Variants in NAALADL2 observed in about 807,000 individuals in gnomAD.
NAALADL2 encodes the protein inactive N-acetylated-alpha-linked acidic dipeptidase-like protein 2.
In NAALADL2, 76 loss-of-function variants were observed where a neutral mutation model predicts 87.2. That is an observed-to-expected ratio of 0.87 (90% CI 0.72 to 1.05). NAALADL2 has a LOEUF of 1.05. NAALADL2 is among the 50% of genes least tolerant of loss of function. The pLI, the probability that NAALADL2 is intolerant of heterozygous loss-of-function variation, is 0.00. For missense variants in NAALADL2, 1,089 were observed against 945.8 expected, an observed-to-expected ratio of 1.15 and a Z score of -1.99; for synonymous variants, 354 against 331.0, an observed-to-expected ratio of 1.07 and a Z score of -0.75.
chr3:174,787,864 T>C (rs1416814008), intron 3 of NAALADL2, among the ~76,000 whole-genome samples: 4 of 151,588 alleles, frequency 2.6e-5, no homozygotes, highest in Non-Finnish European at 4.4e-5. Context: ...AGAAGTAGAT[T>C]CAGTTGGTTA....
chr3:174,486,543 C>T lies in NAALADL2; in HGVS notation c.-184+45511C>T, dbSNP rs373943461. On this transcript the variant is annotated intron_variant, in intron 1 of 3. Coordinates refer to the NAALADL2 transcript ENST00000434257. The stretch of plus-strand genomic sequence containing the variant: ...TGTGAATTTCCACTCTGGTAAATTG[C>T]GGTTTTCCATATGTACCTGTCTTTC... 1.6e-4 allele frequency among the ~76,000 whole-genome samples: 24 copies of T among 152,018 alleles called. No homozygotes were observed. The South Asian group carries it at 2.7e-3, about 17-fold the overall frequency.
chr3:175,748,195 C>T (rs754116474), intron 12 of NAALADL2, among the ~76,000 whole-genome samples: 3 of 152,016 alleles, frequency 2.0e-5, no homozygotes, highest in Admixed American at 6.6e-5. Flanking sequence ...GTATCAATAG[C>T]GCAATCGCTC....
intron 11 of NAALADL2, chr3:175,675,785 T>A (rs1215831305): frequency 6.6e-6 from 1 of 152,208 alleles, no homozygotes; most frequent in Non-Finnish European, 1.5e-5. Context: ...ATTTTGCTGA[T>A]AAGCTCATGA....
intron 2 of NAALADL2, among the ~76,000 whole-genome samples, chr3:174,670,041 T>C (rs1351907926): frequency 6.6e-6 from 1 of 152,092 alleles, no homozygotes; most frequent in Non-Finnish European, 1.5e-5. Flanking sequence ...TTTCTGATTT[T>C]TCATTGTCAG....
intron 1 of NAALADL2, among the ~76,000 whole-genome samples, chr3:174,892,225 A>G (rs559478149): frequency 3.3e-5 from 5 of 152,318 alleles, no homozygotes; most frequent in African/African-American, 1.2e-4. Flanking sequence ...AATCTACTAA[A>G]TAAGGCACCA....
At chr3:175,792,381 A>G (rs1752904024) in intron 13 of NAALADL2, among the ~76,000 whole-genome samples, 1 of 152,200 alleles carries the variant, frequency 6.6e-6, no homozygotes, top group East Asian at 1.9e-4. Context: ...TGTGATCAAC[A>G]TTCATAGATT....
intron 10 of NAALADL2, among the ~76,000 whole-genome samples, chr3:175,608,925 G>A (rs1268896934): frequency 6.7e-6 from 1 of 150,220 alleles, no homozygotes; most frequent in Non-Finnish European, 1.5e-5. Flanking sequence ...ATGCTGATGT[G>A]TACCACTATT....
At chr3:174,872,306 G>A (rs113013970) in intron 1 of NAALADL2, among the ~76,000 whole-genome samples, 9,290 of 152,066 alleles carry the variant, frequency 0.061, 955 homozygotes, top group African/African-American at 0.21. Context: ...CATGAAAATG[G>A]CCCTTCATTT....
At chr3:174,937,057 TAAAAC>T (rs1230193156) in intron 1 of NAALADL2, among the ~76,000 whole-genome samples, 1 of 152,078 alleles carries the variant, frequency 6.6e-6, no homozygotes, top group African/African-American at 2.4e-5. Flanking sequence ...ATTTTTAAAA[TAAAAC>T]ATATAAACTA....
intron 10 of NAALADL2, among the ~76,000 whole-genome samples, chr3:175,598,646 T>C (rs1228825474): frequency 6.6e-6 from 1 of 152,108 alleles, no homozygotes; most frequent in Non-Finnish European, 1.5e-5. Context: ...CGCTATCTCA[T>C]AGGTCTTCAA....
At chr3:175,722,152 A>G (rs1468185565) in intron 11 of NAALADL2, among the ~76,000 whole-genome samples, 1 of 152,102 alleles carries the variant, frequency 6.6e-6, no homozygotes, top group Non-Finnish European at 1.5e-5. Context: ...TTGGCAAATC[A>G]AATCATTTCA....
chr3:174,445,410 A>C (rs922213455), intron 1 of NAALADL2, among the ~76,000 whole-genome samples: 3 of 152,100 alleles, frequency 2.0e-5, no homozygotes, highest in African/African-American at 7.2e-5. Flanking sequence ...TTATGTCCCC[A>C]GGTAGTTTTG....
chr3:175,083,208 C>T (rs535344951), intron 1 of NAALADL2, among the ~76,000 whole-genome samples: 27 of 152,284 alleles, frequency 1.8e-4, no homozygotes, highest in African/African-American at 6.0e-4. Context: ...GTCCCCTGTT[C>T]CCCCGGAAAC....
chr3:174,754,397 G>A (rs1175794022), intron 3 of NAALADL2, among the ~76,000 whole-genome samples: 2 of 150,256 alleles, frequency 1.3e-5, no homozygotes, highest in African/African-American at 4.9e-5. Flanking sequence ...ATTATTTTTT[G>A]TGAATGAAGA....
chr3:174,914,001 TTATG>T (rs971001991), intron 1 of NAALADL2, among the ~76,000 whole-genome samples: 1 of 151,878 alleles, frequency 6.6e-6, no homozygotes, highest in African/African-American at 2.4e-5. Context: ...AAGCAGGAGA[TTATG>T]TATTTCATTT....
chr3:174,869,927 C>T (rs1272041195), intron 1 of NAALADL2, among the ~76,000 whole-genome samples: 2 of 138,592 alleles, frequency 1.4e-5, no homozygotes, highest in South Asian at 2.4e-4. Context: ...ACCTGGGAGG[C>T]GGAGGTTCCA....
At chr3:174,882,755 GTATA>G (rs1181734175) in intron 1 of NAALADL2, among the ~76,000 whole-genome samples, 5 of 138,280 alleles carry the variant, frequency 3.6e-5, no homozygotes, top group Non-Finnish European at 6.5e-5. Context: ...ATACACACGT[GTATA>G]TATACACACG....
intron 5 of NAALADL2, among the ~76,000 whole-genome samples, chr3:175,402,346 C>A (rs115905876): frequency 6.6e-6 from 1 of 152,128 alleles, no homozygotes; most frequent in Non-Finnish European, 1.5e-5. Flanking sequence ...CAGAGCAATT[C>A]TTTGGGCCAA....
At chr3:175,561,603 G>A (rs1398768886) in intron 9 of NAALADL2, among the ~76,000 whole-genome samples, 1 of 152,036 alleles carries the variant, frequency 6.6e-6, no homozygotes, top group Non-Finnish European at 1.5e-5. Flanking sequence ...TATGTATACT[G>A]TATGCAATAT....
Sources: allele counts gnomAD v4.1 joint callset (sites outside exome capture counted in the v4.1 genomes callset), GRCh38; gene constraint gnomAD v4.1.1; transcripts MANE v1.5; gene names NCBI Gene and HGNC (gene_info 2026-07-23, HGNC 2026-07-21).